XYLT1: variants seen among roughly 807,000 people sequenced by gnomAD.
XYLT1 encodes the protein xylosyltransferase 1, also known as beta-D-xylosyltransferase 1.
Under a neutral mutation model 91.3 loss-of-function variants are expected in XYLT1, and 36 were observed. That is an observed-to-expected ratio of 0.39 (90% CI 0.30 to 0.52). The LOEUF (loss-of-function observed/expected upper bound fraction) is 0.52, where lower values mean the gene tolerates loss of function less well. Ranked by LOEUF, XYLT1 falls within the 20% of genes least tolerant of loss-of-function variation. The pLI, the probability that XYLT1 is intolerant of heterozygous loss-of-function variation, is 0.68. For missense variants in XYLT1, 1,242 were observed against 1,284.5 expected (o/e 0.97, Z 0.51); for synonymous variants, 588 against 532.0 (o/e 1.11, Z -1.45).
chr16:17,355,091 G>C (rs906115701), intron 2 of XYLT1: 1 of 152,900 alleles, frequency 6.5e-6, no homozygotes, highest in African/African-American at 2.4e-5. Flanking sequence ...CAAATGCTGA[G>C]AGTCTACCTT....
intron 3 of XYLT1, among the ~76,000 whole-genome samples, chr16:17,257,209 T>G: frequency 6.6e-6 from 1 of 150,846 alleles, no homozygotes; most frequent in African/African-American, 2.4e-5. Context: ...TGGCCAGGAG[T>G]AAAGAGTGAA....
chr16:17,206,196 A>G (rs963162803), intron 3 of XYLT1, among the ~76,000 whole-genome samples: 1 of 152,166 alleles, frequency 6.6e-6, no homozygotes, highest in African/African-American at 2.4e-5. Context: ...CAGATGAGGA[A>G]AAGTTTCACA....
intron 2 of XYLT1, among the ~76,000 whole-genome samples, chr16:17,264,235 A>G (rs1038330662): frequency 2.0e-5 from 3 of 151,998 alleles, no homozygotes; most frequent in Non-Finnish European, 4.4e-5. Flanking sequence ...CTCCTCCCCA[A>G]TCCCCCAACT....
chr16:17,397,827 CTTTTT>C (rs749199983), intron 1 of XYLT1, among the ~76,000 whole-genome samples: 1 of 108,728 alleles, frequency 9.2e-6, no homozygotes. Context: ...TTGAATAGCT[CTTTTT>C]TTTTTTTTTT....
intron 2 of XYLT1, among the ~76,000 whole-genome samples, chr16:17,356,334 A>T (rs2035294641): frequency 6.6e-6 from 1 of 152,210 alleles, no homozygotes; most frequent in Non-Finnish European, 1.5e-5. Flanking sequence ...GACAAAACCA[A>T]GCCAGAGGAC....
At chr16:17,229,485 G>A (rs2033126499) in intron 3 of XYLT1, among the ~76,000 whole-genome samples, 1 of 152,214 alleles carries the variant, frequency 6.6e-6, no homozygotes, top group Non-Finnish European at 1.5e-5. Context: ...GCTGGGCTAG[G>A]CCCCAGCCTT....
At chr16:17,323,962 C>G (rs550446595) in intron 2 of XYLT1, among the ~76,000 whole-genome samples, 14 of 152,144 alleles carry the variant, frequency 9.2e-5, no homozygotes, top group Non-Finnish European at 1.8e-4. Flanking sequence ...AAATGCAACC[C>G]GTATCTACTA....
At chr16:17,236,038 T>C (rs971408164) in intron 3 of XYLT1, among the ~76,000 whole-genome samples, 7 of 152,114 alleles carry the variant, frequency 4.6e-5, no homozygotes, top group African/African-American at 1.7e-4. Context: ...AGCTAATTTT[T>C]GTATTTTTAG....
chr16:17,252,101 T>C (rs531726506), intron 3 of XYLT1, among the ~76,000 whole-genome samples: 4 of 151,174 alleles, frequency 2.6e-5, no homozygotes, highest in African/African-American at 9.8e-5. Flanking sequence ...ATTGCGACGA[T>C]TAGGTTGGTG....
At chr16:17,344,862 G>A (rs1047319331) in intron 2 of XYLT1, among the ~76,000 whole-genome samples, 1 of 151,998 alleles carries the variant, frequency 6.6e-6, no homozygotes, top group Non-Finnish European at 1.5e-5. Context: ...CACCACGCTT[G>A]GCTAATTTTT....
intron 1 of XYLT1, among the ~76,000 whole-genome samples, chr16:17,411,244 A>C (rs987931841): frequency 1.3e-5 from 2 of 152,218 alleles, no homozygotes; most frequent in Middle Eastern, 3.2e-3. Flanking sequence ...GTTTGTACAA[A>C]AGTATCAGTT....
chr16:17,419,721 T>TAAAAC (rs962604159), intron 1 of XYLT1, among the ~76,000 whole-genome samples: 1 of 152,126 alleles, frequency 6.6e-6, no homozygotes, highest in African/African-American at 2.4e-5. Flanking sequence ...AAAGTTACAG[T>TAAAAC]AAAACAAAAC....
In XYLT1 at chr16:17,158,920, A is replaced by T. The variant is rs755650482; in HGVS notation, c.1290-11T>A. 6.2e-7 allele frequency: 1 copy of T among 1,613,662 alleles called. No homozygotes were observed. Among genetic ancestry groups the T allele is most frequent in the South Asian group, 1.1e-5 (1 of 91,074 alleles). ...AACTGGTCATTTGTCCTGTGGAAAC[A>T]AACCAAGGGGAGAGTCAGGCCAGAC... On this transcript the variant is annotated splice_polypyrimidine_tract_variant and intron_variant, in intron 5 of 11. Transcript: ENST00000261381.
At chr16:17,283,066 A>G (rs1353989484) in intron 2 of XYLT1, among the ~76,000 whole-genome samples, 1 of 152,062 alleles carries the variant, frequency 6.6e-6, no homozygotes, top group African/African-American at 2.4e-5. Context: ...ACATTTCCAG[A>G]ACGCCTAAGA....
At chr16:17,282,966 C>CCA (rs915437597) in intron 2 of XYLT1, among the ~76,000 whole-genome samples, 7 of 151,958 alleles carry the variant, frequency 4.6e-5, no homozygotes, top group Non-Finnish European at 8.8e-5. Context: ...AGTCACCCCC[C>CCA]CCAAGTCACA....
At chr16:17,273,228 G>T (rs1035460203) in intron 2 of XYLT1, among the ~76,000 whole-genome samples, 1 of 152,188 alleles carries the variant, frequency 6.6e-6, no homozygotes, top group Non-Finnish European at 1.5e-5. Context: ...CTCAAGAAGA[G>T]ATTTTATATC....
At chr16:17,213,780 G>A (rs768271959) in intron 3 of XYLT1, among the ~76,000 whole-genome samples, 7 of 151,784 alleles carry the variant, frequency 4.6e-5, no homozygotes, top group Non-Finnish European at 8.8e-5. Context: ...CCCCATGCCC[G>A]GCTAATTTTT....
At position 17,355,933 on chromosome 16, in the gene XYLT1, C is replaced by T. The variant is rs533637901; in HGVS notation, c.402+2079G>A. On this transcript the variant is annotated intron_variant, in intron 2 of 11. Coordinates refer to ENST00000261381, the MANE Select transcript of XYLT1 (RefSeq NM_022166.4). ...TTCACCATGTTGGCCAGGCTGGTCT[C>T]GAACTCCTAGCCTCAAGTGATCTGC... 2.6e-5 allele frequency among the ~76,000 whole-genome samples: 4 copies of T among 152,188 alleles called. No homozygotes were observed. The East Asian group carries it at 5.8e-4, about 22-fold the overall frequency.
intron 5 of XYLT1, among the ~76,000 whole-genome samples, chr16:17,184,653 T>A (rs921877541): frequency 6.6e-6 from 1 of 152,218 alleles, no homozygotes; most frequent in Non-Finnish European, 1.5e-5. Flanking sequence ...TACAGGATGG[T>A]GCTTATAGAA....
Sources: allele counts gnomAD v4.1 joint callset (sites outside exome capture counted in the v4.1 genomes callset), GRCh38; gene constraint gnomAD v4.1.1; transcripts MANE v1.5; gene names NCBI Gene and HGNC (gene_info 2026-07-23, HGNC 2026-07-21).